The following CAMTA1 variants were observed in gnomAD, a reference collection of about 807,000 sequenced individuals.
CAMTA1 encodes the protein calmodulin-binding transcription activator 1.
A neutral mutation model predicts 170.9 loss-of-function variants in CAMTA1; 27 were observed. The observed-to-expected ratio is 0.16, with a 90% confidence interval of 0.12 to 0.22. The LOEUF (loss-of-function observed/expected upper bound fraction) is 0.22, where lower values mean the gene tolerates loss of function less well. CAMTA1 is among the 10% of genes least tolerant of loss of function. The pLI, the probability that CAMTA1 is intolerant of heterozygous loss-of-function variation, is 1.00. For synonymous variants in CAMTA1, 833 were observed against 891.5 expected (o/e 0.93, Z 1.17); for missense variants, 1,619 against 2,217.2 (o/e 0.73, Z 5.42).
At chr1:7,551,293 G>T (rs549444289) in intron 6 of CAMTA1, among the ~76,000 whole-genome samples, 2 of 129,866 alleles carry the variant, frequency 1.5e-5, no homozygotes, top group South Asian at 2.5e-4. Flanking sequence ...ACATGTGTGC[G>T]CAGGTGCACT....
intron 4 of CAMTA1, among the ~76,000 whole-genome samples, chr1:7,106,879 G>C (rs984423392): frequency 2.0e-5 from 3 of 152,000 alleles, no homozygotes; most frequent in African/African-American, 7.3e-5. Flanking sequence ...ACTCAGGGAG[G>C]CACCAGGATT....
intron 5 of CAMTA1, among the ~76,000 whole-genome samples, chr1:7,362,624 G>T (rs2085633399): frequency 1.3e-5 from 2 of 151,996 alleles, no homozygotes; most frequent in African/African-American, 4.8e-5. Flanking sequence ...TGGTGGACTT[G>T]AATAGAGTGA....
intron 1 of CAMTA1, among the ~76,000 whole-genome samples, chr1:6,817,920 A>G (rs945065376): frequency 6.6e-6 from 1 of 152,228 alleles, no homozygotes; most frequent in Non-Finnish European, 1.5e-5. Flanking sequence ...CACATTATAG[A>G]GAAAGACTTT....
chr1:7,733,042 A>T (rs933811681), intron 12 of CAMTA1, among the ~76,000 whole-genome samples: 53 of 151,770 alleles, frequency 3.5e-4, no homozygotes, highest in East Asian at 7.7e-4. Flanking sequence ...GAAAAAAAAA[A>T]TTTTTTTTAA....
Position 7,584,337 on chromosome 1 carries a change from C to T in CAMTA1, c.511-56063C>T, listed in dbSNP as rs1396944349. On this transcript the variant is annotated intron_variant, in intron 6 of 22. Coordinates refer to ENST00000303635, the MANE Select transcript of CAMTA1 (RefSeq NM_015215.4). ...GCTGACTGAGAGGATGGCCAAGGGTCGGGGGCTTCCGGCTGAACTGTCTCG... is the reference window on the plus strand; with the variant it reads ...GCTGACTGAGAGGATGGCCAAGGGTTGGGGGCTTCCGGCTGAACTGTCTCG... Among the ~76,000 whole-genome samples, 4 of 151,932 alleles carry T rather than the reference C, an allele frequency of 2.6e-5. 1 individual carries two copies. The East Asian group carries it at 5.9e-4, about 22-fold the overall frequency.
chr1:7,117,182 G>T (rs1003159255), intron 4 of CAMTA1, among the ~76,000 whole-genome samples: 7 of 151,020 alleles, frequency 4.6e-5, no homozygotes, highest in South Asian at 2.1e-4. Context: ...TGTTGGCCAG[G>T]CTGGTCTTGA....
At chr1:7,573,587 C>T (rs2095151399) in intron 6 of CAMTA1, among the ~76,000 whole-genome samples, 2 of 152,202 alleles carry the variant, frequency 1.3e-5, no homozygotes, top group African/African-American at 4.8e-5. Context: ...AGCCTATGCC[C>T]GGCCTCCCCG....
In CAMTA1 at chr1:7,249,732, A is replaced by C. The variant is rs1666343129; in HGVS notation, c.438+106A>C. On this transcript the variant is annotated intron_variant, in intron 5 of 22. Transcript: ENST00000303635. This position sits in a 1 kb window ranked among gnomAD's most constrained non-coding sequence, Gnocchi z 4.4. ...TGATGCGAGTCACCTCTGTCCAAAG[A>C]ATTTTTGTTTGCCAAGACCCTGGTT... 2.2e-6 allele frequency: 3 copies of C among 1,364,326 alleles called. No homozygotes were observed. In the African/African-American group the frequency reaches 4.4e-5, roughly 20 times the overall value. 84.5% of individuals were successfully genotyped at this position (1,364,326 alleles called of 1,614,324 possible). A position where few individuals can be genotyped will look rare whatever the true frequency, so the allele number is the denominator to read the frequency against.
intron 5 of CAMTA1, among the ~76,000 whole-genome samples, chr1:7,271,197 C>A (rs1669744841): frequency 6.6e-6 from 1 of 152,160 alleles, no homozygotes; most frequent in African/African-American, 2.4e-5. Flanking sequence ...AGAAGAGACA[C>A]CAGAGAGCTC....
intron 4 of CAMTA1, chr1:7,219,556 A>T (rs1660362656): frequency 6.7e-6 from 1 of 149,480 alleles, no homozygotes; most frequent in African/African-American, 2.5e-5. Flanking sequence ...AAAAAAAAAA[A>T]AAAAAAAAAA....
chr1:7,283,134 CT>C (rs1303710226), intron 5 of CAMTA1, among the ~76,000 whole-genome samples: 33 of 152,152 alleles, frequency 2.2e-4, no homozygotes, highest in Non-Finnish European at 7.4e-5. Context: ...AAAAAAATCT[CT>C]AACCTCACCG....
chr1:6,837,665 G>A (rs982067625), intron 3 of CAMTA1, among the ~76,000 whole-genome samples: 2 of 152,194 alleles, frequency 1.3e-5, no homozygotes, highest in African/African-American at 4.8e-5. Flanking sequence ...GGTGTCAGAA[G>A]ACAGTTGTTA....
chr1:7,499,450 G>C (rs1184029161), intron 6 of CAMTA1, among the ~76,000 whole-genome samples: 1 of 87,576 alleles, frequency 1.1e-5, no homozygotes, highest in Non-Finnish European at 2.1e-5. Context: ...ATATGTATAT[G>C]AGTGTGTGTG....
chr1:6,832,095 T>A (rs150032411), intron 3 of CAMTA1, among the ~76,000 whole-genome samples: 122 of 152,128 alleles, frequency 8.0e-4, no homozygotes, highest in African/African-American at 1.7e-3. Flanking sequence ...TTTTATTTTT[T>A]TTTTTTGAGA....
rs1650185373 is a variant in CAMTA1 at position 7,173,854 on chromosome 1, C to G, written c.303-75637C>G. On this transcript the variant is annotated intron_variant, in intron 4 of 22. Coordinates refer to ENST00000303635, the MANE Select transcript of CAMTA1 (RefSeq NM_015215.4). This position sits in a 1 kb window ranked among gnomAD's most constrained non-coding sequence, Gnocchi z 5.4. ...GGACCCCAGCAGAACTTAGCAGAACCCAAAAAGGCCCAGTGGAACCCAGGG... is the reference window on the plus strand; with the variant it reads ...GGACCCCAGCAGAACTTAGCAGAACGCAAAAAGGCCCAGTGGAACCCAGGG... Among the ~76,000 whole-genome samples the G allele has an allele frequency of 6.6e-6, 1 of 151,976 alleles. No individual in the cohort carries two copies. The highest frequency in any genetic ancestry group is 2.1e-4 in the South Asian group (1 of 4,820).
intron 3 of CAMTA1, among the ~76,000 whole-genome samples, chr1:6,857,134 T>C (rs1662736680): frequency 6.6e-6 from 1 of 152,056 alleles, no homozygotes; most frequent in African/African-American, 2.4e-5. Context: ...AGAATGGAAG[T>C]TGAGAGACCA....
chr1:7,632,333 T>A (rs941388148), intron 6 of CAMTA1, among the ~76,000 whole-genome samples: 1 of 151,856 alleles, frequency 6.6e-6, no homozygotes, highest in Non-Finnish European at 1.5e-5. Context: ...AGTGGGGAGG[T>A]GTGTGGCACT....
intron 5 of CAMTA1, among the ~76,000 whole-genome samples, chr1:7,460,269 A>G (rs1011553313): frequency 2.0e-5 from 3 of 152,162 alleles, no homozygotes; most frequent in African/African-American, 7.2e-5. Context: ...TTGGCTCAGC[A>G]CAAATGTCAC....
At chr1:7,763,663 A>G (rs978784365) in intron 22 of CAMTA1, among the ~76,000 whole-genome samples, 3 of 152,246 alleles carry the variant, frequency 2.0e-5, no homozygotes, top group Non-Finnish European at 4.4e-5. Flanking sequence ...TGACCAGCTG[A>G]TTATAGATTC....
Sources: gnomAD v4.1 joint callset for allele counts (sites outside exome capture counted in the v4.1 genomes callset) on GRCh38, gnomAD v4.1.1 for gene constraint, Gnocchi (gnomAD v3.1) non-coding constraint, MANE v1.5 for transcripts, NCBI Gene and HGNC (gene_info 2026-07-23, HGNC 2026-07-21) for gene names.